MAP3K1: variants seen among roughly 807,000 people sequenced by gnomAD.
MAP3K1 encodes the protein MAP/ERK kinase kinase 1.
A neutral mutation model predicts 144.2 loss-of-function variants in MAP3K1; 36 were observed. That is an observed-to-expected ratio of 0.25 (90% CI 0.19 to 0.33). The LOEUF is 0.33. Ranked by LOEUF, MAP3K1 falls within the 10% of genes least tolerant of loss-of-function variation. MAP3K1 has a pLI of 1.00. For missense variants in MAP3K1, 1,650 were observed against 1,881.9 expected, an observed-to-expected ratio of 0.88 and a Z score of 2.28; for synonymous variants, 718 against 688.7, an observed-to-expected ratio of 1.04 and a Z score of -0.67.
chr5:56,881,144 A>G lies in MAP3K1; in HGVS notation c.2241A>G (p.Glu747=), dbSNP rs1162291540. The G allele has an allele frequency of 6.2e-7, 1 of 1,613,766 alleles. No individual in the cohort carries two copies. The highest frequency in any genetic ancestry group is 8.5e-7 in the Non-Finnish European group (1 of 1,179,932). Residue 747 remains glutamate (E), a synonymous_variant, in exon 13 of 20, where the codon GAA becomes GAG. Transcript: ENST00000399503. ...VLNCILGNQT[E]SNNWQELLGR... ...ATTGTATTCTTGGAAACCAAACTGAATCAAACAATTGGCAAGAACTTCTTG... is the reference window on the plus strand; with the variant it reads ...ATTGTATTCTTGGAAACCAAACTGAGTCAAACAATTGGCAAGAACTTCTTG...
rs150303307 is a variant in MAP3K1, at chr5:56,832,258, G to T, written c.482+16203G>T. On this transcript the variant is annotated intron_variant, in intron 1 of 19. Transcript: ENST00000399503. ...TATGGTCATAGCATTTTAGAATTCG[G>T]AAGGACAACCTCCTGACTCTAAGCA... 6.1e-3 allele frequency among the ~76,000 whole-genome samples: 928 copies of T among 152,242 alleles called. 3 individuals carry two copies. The highest frequency in any genetic ancestry group is 0.021 in the African/African-American group (864 of 41,532).
chr5:56,875,492 T>A (rs1747996327), intron 10 of MAP3K1, among the ~76,000 whole-genome samples, 182 bp downstream of exon 10: 1 of 152,218 alleles, frequency 6.6e-6, no homozygotes, highest in South Asian at 2.1e-4. Flanking sequence ...TTTTACTGAT[T>A]TTTATGATGT....
intron 1 of MAP3K1, among the ~76,000 whole-genome samples, chr5:56,855,356 T>G (rs1747310522): frequency 6.6e-6 from 1 of 152,208 alleles, no homozygotes; most frequent in African/African-American, 2.4e-5. Flanking sequence ...TGTGTGTGTA[T>G]GTGTGTGTAA....
At position 56,891,272 on chromosome 5, in the gene MAP3K1, G is replaced by A. The variant is rs139594362; in HGVS notation, c.4390-2259G>A. ...TGGTGTGTAAGATGTGTATATATCA[G>A]CTGAGTATATCATGATACAGGATCA... On this transcript the variant is annotated intron_variant, in intron 19 of 19. Transcript: ENST00000399503. Among the ~76,000 whole-genome samples, 389 of 151,976 alleles carry A rather than the reference G, an allele frequency of 2.6e-3. 3 individuals carry two copies. Among genetic ancestry groups the A allele is most frequent in the Middle Eastern group, 0.014 (4 of 294 alleles).
chr5:56,867,014 T>C (rs56741997), intron 6 of MAP3K1, among the ~76,000 whole-genome samples: 141 of 152,088 alleles, frequency 9.3e-4, no homozygotes, highest in African/African-American at 3.3e-3. Flanking sequence ...CTCTTCTAAA[T>C]AAAATGAAAA....
intron 1 of MAP3K1, among the ~76,000 whole-genome samples, chr5:56,826,414 T>C (rs1746316734): frequency 6.6e-6 from 1 of 152,210 alleles, no homozygotes; most frequent in South Asian, 2.1e-4. Context: ...CACAAAGAGA[T>C]GTTTGTAAAG....
chr5:56,836,323 G>C (rs1746654918), intron 1 of MAP3K1, among the ~76,000 whole-genome samples: 1 of 43,680 alleles, frequency 2.3e-5, no homozygotes, highest in East Asian at 4.0e-4. Flanking sequence ...ATGTGTACCT[G>C]ACTACAGCCA....
intron 9 of MAP3K1, among the ~76,000 whole-genome samples, chr5:56,874,463 C>T (rs1168241342): frequency 6.6e-6 from 1 of 152,088 alleles, no homozygotes; most frequent in South Asian, 2.1e-4. Context: ...TTTGATTTGT[C>T]CACTCCATTC....
chr5:56,865,960 G>A lies in MAP3K1; in HGVS notation c.1284G>A (p.Thr428=), dbSNP rs832575. 0.87 allele frequency: 1,393,360 copies of A among 1,609,570 alleles called. 605,166 individuals are homozygous for A. Among genetic ancestry groups the A allele is most frequent in the South Asian group, 0.92 (84,155 of 91,012 alleles). The change falls in exon 6 of 20, where the codon ACG becomes ACA. Residue 428 remains threonine, a synonymous_variant. Transcript: ENST00000399503. ...SHTLSSSSTS[T]SSSENSIKDE... is the part of the protein sequence containing the mutation. ...CATTGTCATCATCTAGTACTTCTAC[G>A]TCTAGTTCAGAAAACAGGTTAGTAC...
intron 1 of MAP3K1, among the ~76,000 whole-genome samples, chr5:56,823,455 C>T (rs909153381): frequency 5.9e-5 from 9 of 152,204 alleles, no homozygotes; most frequent in Non-Finnish European, 1.3e-4. Context: ...TCCCTACTGT[C>T]AGTGTTGTGC....
At chr5:56,853,026 G>T (rs1747223196) in intron 1 of MAP3K1, among the ~76,000 whole-genome samples, 1 of 152,064 alleles carries the variant, frequency 6.6e-6, no homozygotes, top group African/African-American at 2.4e-5. Flanking sequence ...TCACAGTTTG[G>T]TTCTGTTTCA....
chr5:56,821,731 C>T (rs1342420508), intron 1 of MAP3K1, among the ~76,000 whole-genome samples: 1 of 152,136 alleles, frequency 6.6e-6, no homozygotes, highest in African/African-American at 2.4e-5. Context: ...TATGTTAACA[C>T]ATAATCTTCA....
chr5:56,832,237 G>T (rs1395522164), intron 1 of MAP3K1, among the ~76,000 whole-genome samples: 1 of 152,112 alleles, frequency 6.6e-6, no homozygotes, highest in African/African-American at 2.4e-5. Flanking sequence ...AGGATTTATG[G>T]TCATAGCATT....
At position 56,879,003 on chromosome 5, in the gene MAP3K1, A is replaced by G; in HGVS notation, c.1989A>G (p.Val663=). ...AGAAAACATTGAGAGCCATGCTGGT[A>G]TATACTCCTTGCCACAGTTTAGCGG... is the stretch of plus-strand genomic sequence containing the variant. ...AALKTLRAML[V]YTPCHSLAER... is the part of the protein sequence containing the mutation. Residue 663 remains valine (V), a synonymous_variant, in exon 11 of 20, where the codon GTA becomes GTG. Transcript: ENST00000399503. 6.2e-7 allele frequency: 1 copy of G among 1,613,960 alleles called. No homozygotes were observed. The highest frequency in any genetic ancestry group is 1.1e-5 in the South Asian group (1 of 91,088).
At chr5:56,879,739 C>G (rs33323) in intron 11 of MAP3K1, among the ~76,000 whole-genome samples, 75,367 of 152,016 alleles carry the variant, frequency 0.5, 21,176 homozygotes, top group Non-Finnish European at 0.65. Context: ...TTTTCCCCTT[C>G]CATAAAATAG....
At chr5:56,877,894 T>G (rs1020562908) in intron 10 of MAP3K1, among the ~76,000 whole-genome samples, 11 of 152,202 alleles carry the variant, frequency 7.2e-5, no homozygotes, top group Non-Finnish European at 1.3e-4. Context: ...GACAGATACT[T>G]TCAAAGTTTA....
rs2111937389 is a variant in MAP3K1 at position 56,880,766 on chromosome 5, G to A, written c.2143G>A (p.Gly715Arg). 6.2e-7 allele frequency: 1 copy of A among 1,613,746 alleles called. No homozygotes were observed. The highest frequency in any genetic ancestry group is 8.5e-7 in the Non-Finnish European group (1 of 1,179,760). The change falls in exon 12 of 20, where the codon GGA becomes AGA. Residue 715 changes from glycine to arginine, a missense_variant. Around this residue, in one of 6 missense-constraint regions of MAP3K1, gnomAD observed 841 missense variants for 886.5 expected, o/e 0.95. Transcript: ENST00000399503. ...TLLELCKGQA[G>R]ELAVGREILK... ...GTTGGAACTGTGCAAAGGCCAAGCA[G>A]GAGAGTTGGCAGTTGGCAGAGAAAT...
In MAP3K1 at chr5:56,871,991, C is replaced by T. The variant is rs1336970763; in HGVS notation, c.1383C>T (p.Asp461=). ...LDEESLTVCE[D]GCRNKLHHHC... is the part of the protein sequence containing the mutation. ...AAGAAAGTCTTACAGTGTGTGAAGA[C>T]GGCTGCAGGAACAAGCTGCACCACC... Residue 461 remains aspartate (D), a synonymous_variant, in exon 7 of 20, where the codon GAC becomes GAT. Transcript: ENST00000399503. The T allele has an allele frequency of 2.5e-5, 40 of 1,613,830 alleles. No homozygotes were observed. Among genetic ancestry groups the T allele is most frequent in the Middle Eastern group, 3.3e-4 (2 of 6,080 alleles).
intron 1 of MAP3K1, among the ~76,000 whole-genome samples, chr5:56,848,392 GTTAC>G (rs1290080774): frequency 6.6e-6 from 1 of 152,146 alleles, no homozygotes; most frequent in Non-Finnish European, 1.5e-5. Context: ...TCTGCATGGT[GTTAC>G]TTCTTAGATC....
Sources: allele counts gnomAD v4.1 joint callset (sites outside exome capture counted in the v4.1 genomes callset), GRCh38; gene constraint gnomAD v4.1.1; regional missense constraint gnomAD v4.1.1; transcripts MANE v1.5; gene names NCBI Gene and HGNC (gene_info 2026-07-23, HGNC 2026-07-21).